Variants in LMTK2 observed in about 807,000 individuals in gnomAD.
LMTK2 encodes serine/threonine-protein kinase LMTK2.
LMTK2 carries 37 observed loss-of-function variants against 127.5 expected under a neutral mutation model. The ratio of observed to expected loss-of-function variants is 0.29; its 90% CI spans 0.22 to 0.38. The LOEUF (loss-of-function observed/expected upper bound fraction) is 0.38. Among genes scored for constraint, LMTK2 ranks in the 10% least tolerant of loss-of-function variants. LMTK2 has a pLI of 1.00. For missense variants in LMTK2, 1,694 were observed against 1,920.3 expected (o/e 0.88, Z 2.20); for synonymous variants, 819 against 810.1 (o/e 1.01, Z -0.19).
chr7:98,111,806 G>A (rs547609788), intron 1 of LMTK2, among the ~76,000 whole-genome samples: 1 of 152,294 alleles, frequency 6.6e-6, no homozygotes, highest in South Asian at 2.1e-4. Flanking sequence ...AATCTTTGTT[G>A]CTCAAAATAA....
At chr7:98,168,741 C>A (rs1458020768) in intron 6 of LMTK2, among the ~76,000 whole-genome samples, 1 of 152,048 alleles carries the variant, frequency 6.6e-6, no homozygotes, top group Admixed American at 6.6e-5. Flanking sequence ...CTCATTCTAC[C>A]AGGGCGTTGC....
In LMTK2 at chr7:98,205,758, C is replaced by G; in HGVS notation, c.*266C>G. ...CGCGGCCTCCCAGGCAGTGCTCATG[C>G]GCTGGCCGTCGGGGGAGGCAGGGGC... On this transcript the variant is annotated 3_prime_UTR_variant, in exon 14 of 14. Transcript: ENST00000297293. The G allele has an allele frequency of 3.6e-6, 2 of 550,426 alleles. No homozygotes were observed. Among genetic ancestry groups the G allele is most frequent in the Non-Finnish European group, 3.3e-6 (1 of 304,860 alleles). The allele number at this position is 550,426 out of a possible 1,614,324, so 34.1% of individuals were successfully genotyped here.
intron 6 of LMTK2, among the ~76,000 whole-genome samples, chr7:98,165,432 G>A (rs904647949): frequency 2.0e-5 from 3 of 152,218 alleles, no homozygotes; most frequent in Admixed American, 2.0e-4. Flanking sequence ...AGAGTTACCA[G>A]TGCCAAAGTG....
chr7:98,140,783 C>T (rs551806763), intron 2 of LMTK2, among the ~76,000 whole-genome samples: 1 of 151,734 alleles, frequency 6.6e-6, no homozygotes, highest in African/African-American at 2.4e-5. Flanking sequence ...ATTGCTTGGC[C>T]AGGCGCTGTG....
chr7:98,147,333 C>A (rs913778915), intron 3 of LMTK2, among the ~76,000 whole-genome samples: 1 of 152,132 alleles, frequency 6.6e-6, no homozygotes, highest in Admixed American at 6.5e-5. Context: ...ATCCTCCCAC[C>A]TCAACCTCCC....
intron 7 of LMTK2, among the ~76,000 whole-genome samples, chr7:98,181,301 G>A (rs1400671589): frequency 2.6e-5 from 4 of 152,062 alleles, no homozygotes; most frequent in Non-Finnish European, 5.9e-5. Context: ...CCAAAGAGAT[G>A]GGCTCTCACC....
chr7:98,203,896 C>G (rs761160254), intron 12 of LMTK2, 48 bp from the exon 13 acceptor site: 134 of 1,605,298 alleles, frequency 8.3e-5, no homozygotes, highest in Non-Finnish European at 1.1e-4. Context: ...CCCCCTCTCC[C>G]TCATCACGCA....
At chr7:98,165,205 C>T (rs2116410503) in intron 6 of LMTK2, among the ~76,000 whole-genome samples, 1 of 152,300 alleles carries the variant, frequency 6.6e-6, no homozygotes, top group Non-Finnish European at 1.5e-5. Context: ...ACGGGGAGTA[C>T]GATGAGGAAG....
At position 98,206,353 on chromosome 7, in the gene LMTK2, T is replaced by C. The variant is rs968822036; in HGVS notation, c.*861T>C. On this transcript the variant is annotated 3_prime_UTR_variant, in exon 14 of 14. Coordinates refer to ENST00000297293, the MANE Select transcript of LMTK2 (RefSeq NM_014916.4). ...CTTCTCTCTGAGGAGCTGAGAGGTCTTGCAGCCTCTCCTTGTCATTCTCCC... is the reference window on the plus strand; with the variant it reads ...CTTCTCTCTGAGGAGCTGAGAGGTCCTGCAGCCTCTCCTTGTCATTCTCCC... 15 of 152,284 alleles carry C rather than the reference T, an allele frequency of 9.9e-5. No individual in the cohort carries two copies. Among genetic ancestry groups the C allele is most frequent in the African/African-American group, 3.4e-4 (14 of 41,472 alleles). 9.4% of individuals were successfully genotyped at this position (152,284 alleles called of 1,614,324 possible).
intron 7 of LMTK2, among the ~76,000 whole-genome samples, chr7:98,182,846 A>T (rs898373865): frequency 6.6e-6 from 1 of 152,242 alleles, no homozygotes; most frequent in Non-Finnish European, 1.5e-5. Context: ...AACTAAAAAT[A>T]AAACTTTAAG....
At chr7:98,137,629 A>G (rs1416855116) in intron 2 of LMTK2, among the ~76,000 whole-genome samples, 187 bp downstream of exon 2, 4 of 152,246 alleles carry the variant, frequency 2.6e-5, no homozygotes, top group Non-Finnish European at 5.9e-5. Context: ...CTAAAACAGC[A>G]GCTCAACTCT....
chr7:98,151,591 C>T, intron 4 of LMTK2, 136 bp downstream of exon 4: 1 of 658,290 alleles, frequency 1.5e-6, no homozygotes, highest in Non-Finnish European at 2.6e-6. Context: ...CCCCATTCCC[C>T]CTGTGGCAGC....
At chr7:98,128,160 T>C (rs1796470646) in intron 1 of LMTK2, among the ~76,000 whole-genome samples, 1 of 151,934 alleles carries the variant, frequency 6.6e-6, no homozygotes, top group South Asian at 2.1e-4. Flanking sequence ...AATAAATAAG[T>C]AAATAAATAA....
intron 9 of LMTK2, among the ~76,000 whole-genome samples, chr7:98,188,142 A>G (rs1048168848): frequency 6.6e-6 from 1 of 152,056 alleles, no homozygotes; most frequent in Non-Finnish European, 1.5e-5. Flanking sequence ...TCAGCTTCTC[A>G]CTATTCCTCC....
At chr7:98,188,442 T>C (rs995168279) in intron 9 of LMTK2, among the ~76,000 whole-genome samples, 1 of 152,082 alleles carries the variant, frequency 6.6e-6, no homozygotes, top group Non-Finnish European at 1.5e-5. Flanking sequence ...TATTTCTCCA[T>C]TTTTTAAAAA....
chr7:98,137,518 C>A lies in LMTK2; in HGVS notation c.231+76C>A. On this transcript the variant is annotated intron_variant, in intron 2 of 13. Transcript: ENST00000297293. Reference sequence around the variant, plus strand: ...AATAGAATAACTGGATAGCACAGTCCTTTGGGAACAGGATCAGCAGATTTT... The same window carrying A: ...AATAGAATAACTGGATAGCACAGTCATTTGGGAACAGGATCAGCAGATTTT... 3 of 1,406,578 alleles carry A rather than the reference C, an allele frequency of 2.1e-6. No individual in the cohort carries two copies. In the South Asian group the frequency reaches 4.2e-5, roughly 20 times the overall value. 87.1% of individuals were successfully genotyped at this position (1,406,578 alleles called of 1,614,324 possible). A position where few individuals can be genotyped will look rare whatever the true frequency, so the allele number is the denominator to read the frequency against.
intron 1 of LMTK2, among the ~76,000 whole-genome samples, chr7:98,109,234 T>C (rs1182174955): frequency 6.6e-6 from 1 of 152,178 alleles, no homozygotes; most frequent in Non-Finnish European, 1.5e-5. Flanking sequence ...AAATGAATTT[T>C]GTTGGGGTGT....
chr7:98,170,546 CT>C (rs1296756244), intron 6 of LMTK2, among the ~76,000 whole-genome samples: 2 of 141,346 alleles, frequency 1.4e-5, no homozygotes, highest in Middle Eastern at 3.8e-3. Flanking sequence ...TTTTTTTTTT[CT>C]TTTTTTTCCC....
At chr7:98,148,480 G>A (rs1356079889) in intron 3 of LMTK2, among the ~76,000 whole-genome samples, 5 of 144,726 alleles carry the variant, frequency 3.5e-5, no homozygotes, top group Non-Finnish European at 6.0e-5. Flanking sequence ...GTGACAGAGC[G>A]AGACTCCGTC....
Sources: gnomAD v4.1 joint callset for allele counts (sites outside exome capture counted in the v4.1 genomes callset) on GRCh38, gnomAD v4.1.1 for gene constraint, MANE v1.5 for transcripts, NCBI Gene and HGNC (gene_info 2026-07-23, HGNC 2026-07-21) for gene names.